The following CTNNAL1 variants were observed in gnomAD, a reference collection of about 807,000 sequenced individuals.
CTNNAL1 encodes the protein catenin alpha like 1.
Under a neutral mutation model 93.6 loss-of-function variants are expected in CTNNAL1, and 69 were observed. That is an observed-to-expected ratio of 0.74 (90% confidence interval 0.61 to 0.90). The LOEUF is 0.90. CTNNAL1 is among the 40% of genes least tolerant of loss of function. CTNNAL1 has a pLI of 0.00. For synonymous variants in CTNNAL1, 286 were observed against 305.4 expected (o/e 0.94, Z 0.66); for missense variants, 836 against 862.0 (o/e 0.97, Z 0.38).
At chr9:108,975,770 C>T (rs542550144) in intron 8 of CTNNAL1, among the ~76,000 whole-genome samples, 3 of 152,302 alleles carry the variant, frequency 2.0e-5, no homozygotes, top group East Asian at 1.9e-4. Context: ...CTATCCAACT[C>T]TGCTGTTGTA....
intron 15 of CTNNAL1, among the ~76,000 whole-genome samples, chr9:108,946,215 C>G (rs1480016712): frequency 6.6e-6 from 1 of 151,170 alleles, no homozygotes; most frequent in Non-Finnish European, 1.5e-5. Flanking sequence ...AGAAGAATCA[C>G]TTGAACCCGG....
At chr9:108,943,321 C>T (rs1261259600) in intron 17 of CTNNAL1, among the ~76,000 whole-genome samples, 1 of 152,156 alleles carries the variant, frequency 6.6e-6, no homozygotes, top group Non-Finnish European at 1.5e-5. Context: ...TCTCAAAACA[C>T]TCCAAATAGT....
chr9:108,962,827 A>G (rs1300639000), intron 11 of CTNNAL1, among the ~76,000 whole-genome samples: 2 of 152,234 alleles, frequency 1.3e-5, no homozygotes, highest in African/African-American at 2.4e-5. Flanking sequence ...CACACTTACC[A>G]TATTAGGTAG....
chr9:108,955,678 T>G, intron 12 of CTNNAL1, 112 bp downstream of exon 12: 1 of 960,562 alleles, frequency 1.0e-6, no homozygotes, highest in Non-Finnish European at 1.6e-6. Context: ...TATCCTAACT[T>G]TTTTCTGTCA....
At chr9:108,972,864 G>GGGGGGGGAGA in intron 8 of CTNNAL1, 31 bp from the exon 9 acceptor site, 2 of 142,588 alleles carry the variant, frequency 1.4e-5, no homozygotes, top group South Asian at 1.2e-4. Context: ...GGGGGGGTGG[G>GGGGGGGGAGA]AGGGTGGAGA....
intron 11 of CTNNAL1, among the ~76,000 whole-genome samples, chr9:108,958,363 T>C (rs757534523): frequency 4.6e-5 from 7 of 152,170 alleles, no homozygotes; most frequent in Non-Finnish European, 8.8e-5. Context: ...ATAAATCCAA[T>C]GAAAAGAAAG....
chr9:108,942,770 C>G lies in CTNNAL1; in HGVS notation c.2204G>C (p.Ter735SerextTer22). The change falls in exon 19 of 19, where the codon TGA becomes TCA. Residue 735 changes from the stop codon to serine (S), a stop_lost. Transcript: ENST00000325551. ...TNKDTMDSKT[*>S] ...CAGAGATCTGACCCCAAAAGCTTCT[C>G]AAGTTTTACTATCCATAGTGTCCTT... 6.2e-7 allele frequency: 1 copy of G among 1,603,890 alleles called. No individual in the cohort carries two copies. The highest frequency in any genetic ancestry group is 8.5e-7 in the Non-Finnish European group (1 of 1,171,860).
chr9:108,970,508 T>G lies in CTNNAL1; in HGVS notation c.1348-14A>C. On this transcript the variant is annotated splice_polypyrimidine_tract_variant and intron_variant, in intron 9 of 18. Transcript: ENST00000325551. ...CAATCGACAGGTCTACAAGACAATATGTCTACAGTTTAACTTTCACATCCT... is the reference window on the plus strand; with the variant it reads ...CAATCGACAGGTCTACAAGACAATAGGTCTACAGTTTAACTTTCACATCCT... The G allele has an allele frequency of 1.3e-6, 2 of 1,597,524 alleles. No homozygotes were observed. Among genetic ancestry groups the G allele is most frequent in the Non-Finnish European group, 1.7e-6 (2 of 1,172,968 alleles).
chr9:108,974,450 A>G (rs982491295), intron 8 of CTNNAL1, among the ~76,000 whole-genome samples: 3 of 152,154 alleles, frequency 2.0e-5, no homozygotes, highest in African/African-American at 7.2e-5. Context: ...GTTTAACAGG[A>G]TGTTTAAATG....
At chr9:109,012,447 GA>G (rs1827234431) in intron 1 of CTNNAL1, among the ~76,000 whole-genome samples, 1 of 152,126 alleles carries the variant, frequency 6.6e-6, no homozygotes, top group South Asian at 2.1e-4. Flanking sequence ...ACGCGCTCCC[GA>G]AGGCACAGAA....
chr9:108,943,924 A>C, intron 16 of CTNNAL1, 38 bp downstream of exon 16: 2 of 1,606,888 alleles, frequency 1.2e-6, no homozygotes, highest in Non-Finnish European at 1.7e-6. Context: ...GTTATACATA[A>C]TACCACCACC....
At chr9:108,958,866 T>G (rs1374745793) in intron 11 of CTNNAL1, among the ~76,000 whole-genome samples, 1 of 150,974 alleles carries the variant, frequency 6.6e-6, no homozygotes, top group Non-Finnish European at 1.5e-5. Flanking sequence ...GCTGAGTAGC[T>G]GGGACTACAG....
chr9:109,012,555 T>G (rs1005977924), intron 1 of CTNNAL1, among the ~76,000 whole-genome samples: 1 of 152,092 alleles, frequency 6.6e-6, no homozygotes, highest in African/African-American at 2.4e-5. Context: ...ACAAAAACTT[T>G]CCTAAAACTC....
At chr9:108,970,333 C>A in intron 10 of CTNNAL1, 69 bp downstream of exon 10, 1 of 1,370,444 alleles carries the variant, frequency 7.3e-7, no homozygotes, top group Non-Finnish European at 9.8e-7. Flanking sequence ...TTATACCTTC[C>A]ATCCACACAA....
At position 108,948,200 on chromosome 9, in the gene CTNNAL1, T is replaced by C. The variant is rs750674834; in HGVS notation, c.1870A>G (p.Ile624Val). 4 of 1,612,266 alleles carry C rather than the reference T, an allele frequency of 2.5e-6. No individual in the cohort carries two copies. In the South Asian group the frequency reaches 4.4e-5, roughly 18 times the overall value. ...EGPLKTSQDL[I>V]HQLEVFAAEG... is the part of the protein sequence containing the mutation. The stretch of plus-strand genomic sequence containing the variant: ...ACAAGGCATACCTCTAGTTGATGAA[T>C]TAAATCCTGGGAAGTTTTCAGTGGC... Residue 624 changes from isoleucine (I) to valine (V), a missense_variant, in exon 15 of 19, where the codon ATT becomes GTT. Physicochemically the swap from Ile to Val is conservative, Grantham distance 29. Coordinates refer to ENST00000325551, the MANE Select transcript of CTNNAL1 (RefSeq NM_003798.4).
At chr9:108,981,079 G>A (rs962635651) in intron 6 of CTNNAL1, among the ~76,000 whole-genome samples, 1 of 152,228 alleles carries the variant, frequency 6.6e-6, no homozygotes, top group African/African-American at 2.4e-5. Flanking sequence ...GCCTGATGGC[G>A]AGAGGGCAGC....
chr9:108,947,104 G>GA (rs779451037), intron 15 of CTNNAL1, among the ~76,000 whole-genome samples: 39 of 148,038 alleles, frequency 2.6e-4, no homozygotes, highest in Middle Eastern at 3.5e-3. Flanking sequence ...TAAAGTGATA[G>GA]AAATTTCTTT....
intron 4 of CTNNAL1, among the ~76,000 whole-genome samples, chr9:108,985,053 G>A (rs1285771960): frequency 4.6e-5 from 7 of 152,170 alleles, no homozygotes; most frequent in South Asian, 4.1e-4. Context: ...TTGGTGGGGG[G>A]TGACTTCTCC....
At chr9:109,012,022 T>A (rs1431014362) in intron 1 of CTNNAL1, among the ~76,000 whole-genome samples, 6 of 152,212 alleles carry the variant, frequency 3.9e-5, no homozygotes, top group Non-Finnish European at 1.5e-5. Flanking sequence ...CTGACATTAC[T>A]GAGGGATCCC....
Sources: gnomAD v4.1 joint callset for allele counts (sites outside exome capture counted in the v4.1 genomes callset) on GRCh38, gnomAD v4.1.1 for gene constraint, MANE v1.5 for transcripts, NCBI Gene and HGNC (gene_info 2026-07-23, HGNC 2026-07-21) for gene names.